TMEM178B: variants seen among roughly 807,000 people sequenced by gnomAD.
TMEM178B encodes the protein transmembrane protein 178B.
TMEM178B carries 5 observed loss-of-function variants against 31.0 expected under a neutral mutation model. The ratio of observed to expected loss-of-function variants is 0.16; its 90% CI spans 0.08 to 0.34. The LOEUF is 0.34. TMEM178B is among the 10% of genes least tolerant of loss of function. The pLI is 1.00. For synonymous variants in TMEM178B, 164 were observed against 164.0 expected (o/e 1.00, Z 0.00); for missense variants, 275 against 400.3 (o/e 0.69, Z 2.67).
chr7:141,391,179 T>C (rs564112616), intron 2 of TMEM178B, among the ~76,000 whole-genome samples: 2 of 151,968 alleles, frequency 1.3e-5, no homozygotes, highest in African/African-American at 2.4e-5. Context: ...CCCCTGCTTT[T>C]TTTTTGAGAC....
At chr7:141,320,233 C>G (rs1799074680) in intron 2 of TMEM178B, among the ~76,000 whole-genome samples, 1 of 152,080 alleles carries the variant, frequency 6.6e-6, no homozygotes, top group Admixed American at 6.6e-5. Flanking sequence ...TCAATTAAAC[C>G]TTTTTTTCTT....
At chr7:141,187,849 G>A (rs1796635434) in intron 1 of TMEM178B, among the ~76,000 whole-genome samples, 1 of 152,094 alleles carries the variant, frequency 6.6e-6, no homozygotes, top group South Asian at 2.1e-4. Context: ...TTAGCCCTTT[G>A]TCAGATGAGT....
At position 141,434,320 on chromosome 7, in the gene TMEM178B, A is replaced by G. The variant is rs368084118; in HGVS notation, c.497-3288A>G. 1.0e-3 allele frequency among the ~76,000 whole-genome samples: 152 copies of G among 152,260 alleles called. 1 individual carries two copies. Among genetic ancestry groups the G allele is most frequent in the African/African-American group, 3.5e-3 (144 of 41,546 alleles). On this transcript the variant is annotated intron_variant, in intron 2 of 3. Transcript: ENST00000565468. ...CCTGGGGAACAGTACAGGCCTTCCA[A>G]TGAGCAAAGCCAGGTGACAGCTGGG...
At chr7:141,356,215 T>G (rs1030974281) in intron 2 of TMEM178B, among the ~76,000 whole-genome samples, 1 of 152,264 alleles carries the variant, frequency 6.6e-6, no homozygotes, top group African/African-American at 2.4e-5. Flanking sequence ...ATGATTCATT[T>G]TCCTTTGGGT....
chr7:141,229,092 G>C (rs1202823570), intron 2 of TMEM178B, among the ~76,000 whole-genome samples: 4 of 115,872 alleles, frequency 3.5e-5, no homozygotes, highest in African/African-American at 1.0e-4. Context: ...AAAATGATGT[G>C]TGTGTGTGGT....
intron 2 of TMEM178B, among the ~76,000 whole-genome samples, chr7:141,290,351 T>C (rs984866654): frequency 6.6e-6 from 1 of 152,086 alleles, no homozygotes; most frequent in African/African-American, 2.4e-5. Context: ...GAGAAGGAGG[T>C]GTGGCTTACT....
At chr7:141,271,450 A>G (rs1326955940) in intron 2 of TMEM178B, among the ~76,000 whole-genome samples, 1 of 152,142 alleles carries the variant, frequency 6.6e-6, no homozygotes, top group Non-Finnish European at 1.5e-5. Context: ...GGAGCTGGGC[A>G]AGGGTGAATG....
chr7:141,374,141 CTG>C (rs1257099580), intron 2 of TMEM178B, among the ~76,000 whole-genome samples: 1 of 152,174 alleles, frequency 6.6e-6, no homozygotes, highest in African/African-American at 2.4e-5. Flanking sequence ...AAGTCCGGGA[CTG>C]TAAACGCCCA....
chr7:141,358,169 C>A (rs1799853875), intron 2 of TMEM178B, among the ~76,000 whole-genome samples: 1 of 152,158 alleles, frequency 6.6e-6, no homozygotes, highest in South Asian at 2.1e-4. Flanking sequence ...AGCTTGGTCC[C>A]TAGCAGCACA....
chr7:141,115,424 G>A (rs188161862), intron 1 of TMEM178B, among the ~76,000 whole-genome samples: 13 of 152,214 alleles, frequency 8.5e-5, no homozygotes, highest in East Asian at 3.9e-4. Context: ...CAGAAAAGCC[G>A]GGTGGGGCCT....
the TMEM178B span, among the ~76,000 whole-genome samples, chr7:141,507,234 T>C: frequency 3.3e-5 from 5 of 152,202 alleles, no homozygotes; most frequent in African/African-American, 1.2e-4. Flanking sequence ...GTAGCAACTC[T>C]GTGTGGGGGC....
At chr7:141,134,619 A>T (rs1795645794) in intron 1 of TMEM178B, among the ~76,000 whole-genome samples, 1 of 152,242 alleles carries the variant, frequency 6.6e-6, no homozygotes, top group Non-Finnish European at 1.5e-5. Context: ...AAAGGAACAA[A>T]GAATATACAA....
At chr7:141,287,968 T>A (rs554007465) in intron 2 of TMEM178B, among the ~76,000 whole-genome samples, 12 of 152,328 alleles carry the variant, frequency 7.9e-5, no homozygotes, top group Admixed American at 1.3e-4. Context: ...ATTCATCATT[T>A]CTTGCTTGTT....
intron 2 of TMEM178B, among the ~76,000 whole-genome samples, chr7:141,428,198 T>A (rs906202944): frequency 5.9e-5 from 9 of 151,620 alleles, no homozygotes; most frequent in Non-Finnish European, 1.0e-4. Context: ...ACCCTGTCTC[T>A]ACTAAAAATA....
intron 2 of TMEM178B, among the ~76,000 whole-genome samples, chr7:141,418,897 C>T (rs1186762950): frequency 8.0e-6 from 1 of 124,864 alleles, no homozygotes; most frequent in African/African-American, 3.3e-5. Context: ...TTTGTCCTTC[C>T]ATGCTATTTT....
rs1430064499 is a variant in TMEM178B at position 141,344,458 on chromosome 7, A to C, written c.497-93150A>C. ...TTCTGCTTTATAATGAAAAGTTATA[A>C]GTTTCTCACACATTTTAGGCACTCT... On this transcript the variant is annotated intron_variant, in intron 2 of 3. Coordinates refer to ENST00000565468, the MANE Select transcript of TMEM178B (RefSeq NM_001195278.2). This position sits in a 1 kb window ranked among gnomAD's most constrained non-coding sequence, Gnocchi z 4.1. 1.3e-5 allele frequency among the ~76,000 whole-genome samples: 2 copies of C among 152,190 alleles called. No individual in the cohort carries two copies. The highest frequency in any genetic ancestry group is 2.9e-5 in the Non-Finnish European group (2 of 68,034).
At chr7:141,329,364 A>G (rs568788775) in intron 2 of TMEM178B, among the ~76,000 whole-genome samples, 2 of 152,296 alleles carry the variant, frequency 1.3e-5, no homozygotes, top group East Asian at 1.9e-4. Flanking sequence ...GGCTCTGGCT[A>G]TCTGGCCATC....
intron 2 of TMEM178B, among the ~76,000 whole-genome samples, chr7:141,213,324 TG>T (rs1797078581): frequency 6.6e-6 from 1 of 152,226 alleles, no homozygotes; most frequent in African/African-American, 2.4e-5. Context: ...GAGACTTAAA[TG>T]ACAACGAGAG....
chr7:141,188,202 C>A (rs976642043), intron 1 of TMEM178B, among the ~76,000 whole-genome samples: 1 of 152,162 alleles, frequency 6.6e-6, no homozygotes. Flanking sequence ...AATGGCTAAA[C>A]CCACATCTTC....
Sources: gnomAD v4.1 joint callset for allele counts (sites outside exome capture counted in the v4.1 genomes callset) on GRCh38, gnomAD v4.1.1 for gene constraint, Gnocchi (gnomAD v3.1) non-coding constraint, MANE v1.5 for transcripts, NCBI Gene and HGNC (gene_info 2026-07-23, HGNC 2026-07-21) for gene names.